MKNK1: variants seen among roughly 807,000 people sequenced by gnomAD.
The protein encoded by MKNK1 is MAPK interacting serine/threonine kinase 1.
Under a neutral mutation model 49.3 loss-of-function variants are expected in MKNK1, and 30 were observed. That is an observed-to-expected ratio of 0.61 (90% CI 0.46 to 0.83). The LOEUF (loss-of-function observed/expected upper bound fraction) is 0.83. Among genes scored for constraint, MKNK1 ranks in the 40% least tolerant of loss-of-function variants. MKNK1 has a pLI of 0.00. For missense variants in MKNK1, 423 were observed against 524.7 expected (o/e 0.81, Z 1.89); for synonymous variants, 176 against 201.7 (o/e 0.87, Z 1.08).
intron 6 of MKNK1, chr1:46,573,626 A>T (rs1241912741): frequency 1.3e-5 from 2 of 152,198 alleles, no homozygotes; most frequent in Non-Finnish European, 1.5e-5. Context: ...TGTGCTAGGG[A>T]ACATTCCCAG....
rs537028325 is a variant in MKNK1 at position 46,600,126 on chromosome 1, T to C, written c.-171+4059A>G. ...TCCACCTTCAGGAATCCTCTGGTCA[T>C]GCTGGGATTGATTTCTCCTTCTTCC... is the stretch of plus-strand genomic sequence containing the variant. On this transcript the variant is annotated intron_variant, in intron 1 of 12. Transcript: ENST00000371945. Among the ~76,000 whole-genome samples, 3 of 152,348 alleles carry C rather than the reference T, an allele frequency of 2.0e-5. No homozygotes were observed. The East Asian group carries it at 5.8e-4, about 29-fold the overall frequency.
At chr1:46,567,707 T>C (rs1337167969) in intron 8 of MKNK1, among the ~76,000 whole-genome samples, 1 of 152,240 alleles carries the variant, frequency 6.6e-6, no homozygotes, top group Non-Finnish European at 1.5e-5. Context: ...CACATGTATA[T>C]ACACGCAGAG....
chr1:46,601,169 G>A lies in MKNK1; in HGVS notation c.-171+3016C>T, dbSNP rs149059581. On this transcript the variant is annotated intron_variant, in intron 1 of 12. Coordinates refer to ENST00000371945, the MANE Select transcript of MKNK1 (RefSeq NM_001135553.4). ...TGACCTCAGGTGATCCACCTGCCTC[G>A]GCCTCCCAAAGTGCTGGGATTACAG... Among the ~76,000 whole-genome samples the A allele has an allele frequency of 2.2e-3, 332 of 152,192 alleles. 2 individuals carry two copies. The highest frequency in any genetic ancestry group is 7.3e-3 in the African/African-American group (301 of 41,512).
chr1:46,561,718 C>T lies in MKNK1; in HGVS notation c.805-76G>A, dbSNP rs757687719. 2.8e-5 allele frequency: 43 copies of T among 1,517,310 alleles called. 1 individual carries two copies. Among genetic ancestry groups the T allele is most frequent in the Middle Eastern group, 3.5e-4 (2 of 5,794 alleles). 94.0% of individuals were successfully genotyped at this position (1,517,310 alleles called of 1,614,324 possible). On this transcript the variant is annotated intron_variant, in intron 10 of 12. Transcript: ENST00000371945. Reference sequence around the variant, plus strand: ...TGTGCCTGTCATTGTTTTGATCAACCGGCTTCAATTGATCTCAGCTGTAGC... The same window carrying T: ...TGTGCCTGTCATTGTTTTGATCAACTGGCTTCAATTGATCTCAGCTGTAGC...
intron 12 of MKNK1, among the ~76,000 whole-genome samples, chr1:46,559,359 G>A (rs969552601): frequency 1.3e-5 from 2 of 152,226 alleles, no homozygotes; most frequent in African/African-American, 2.4e-5. Context: ...CACGAATTGC[G>A]ATTATGGAGG....
At chr1:46,599,724 C>A (rs939263013) in intron 1 of MKNK1, among the ~76,000 whole-genome samples, 1 of 152,202 alleles carries the variant, frequency 6.6e-6, no homozygotes, top group Non-Finnish European at 1.5e-5. Context: ...AGTTTTGAAC[C>A]AAGCTGTGCC....
chr1:46,561,739 G>C, intron 10 of MKNK1, 97 bp from the exon 11 acceptor site: 2 of 1,391,602 alleles, frequency 1.4e-6, no homozygotes, highest in South Asian at 2.6e-5. Context: ...GATCTCAGCT[G>C]TAGCTGCAGC....
chr1:46,581,326 T>C (rs137989476), intron 3 of MKNK1, among the ~76,000 whole-genome samples: 2,984 of 151,778 alleles, frequency 0.02, 37 homozygotes, highest in Non-Finnish European at 0.031. Context: ...TCCTGGCCAA[T>C]GTGGGAAACC....
intron 4 of MKNK1, among the ~76,000 whole-genome samples, chr1:46,578,428 GTTT>G (rs1671282004): frequency 6.6e-6 from 1 of 152,126 alleles, no homozygotes; most frequent in African/African-American, 2.4e-5. Context: ...AGAGTCCAGT[GTTT>G]GCCTCAAAGA....
chr1:46,576,795 C>T, intron 4 of MKNK1, 141 bp from the exon 5 acceptor site: 2 of 721,800 alleles, frequency 2.8e-6, no homozygotes, highest in Non-Finnish European at 4.8e-6. Flanking sequence ...CTTGGTGACA[C>T]CGGCACTGTG....
chr1:46,588,672 T>G (rs544374229), intron 2 of MKNK1, among the ~76,000 whole-genome samples: 1 of 151,944 alleles, frequency 6.6e-6, no homozygotes, highest in African/African-American at 2.4e-5. Context: ...CCGGGCGAGG[T>G]GGCGGGCGCC....
At chr1:46,566,194 TTC>T (rs1669033215) in intron 8 of MKNK1, among the ~76,000 whole-genome samples, 1 of 152,250 alleles carries the variant, frequency 6.6e-6, no homozygotes. Flanking sequence ...AATTAAGACT[TTC>T]TGTCTTTATT....
At chr1:46,561,082 T>TG (rs1557821272) in intron 11 of MKNK1, among the ~76,000 whole-genome samples, 1 of 152,238 alleles carries the variant, frequency 6.6e-6, no homozygotes, top group African/African-American at 2.4e-5. Context: ...GGAGAACCTA[T>TG]GTGCCCCAAC....
At chr1:46,559,739 G>C (rs1200242645) in intron 12 of MKNK1, 1 of 168,452 alleles carries the variant, frequency 5.9e-6, no homozygotes, top group East Asian at 1.6e-4. Context: ...CCGTCTGCTG[G>C]ATTCAAGCGA....
intron 4 of MKNK1, among the ~76,000 whole-genome samples, chr1:46,579,852 G>A (rs1671487380): frequency 6.6e-6 from 1 of 152,012 alleles, no homozygotes; most frequent in African/African-American, 2.4e-5. Context: ...CCCCAAAACT[G>A]AGTGCTCAGT....
chr1:46,560,137 G>C (rs1667676260), intron 12 of MKNK1, 97 bp downstream of exon 12: 1 of 1,400,814 alleles, frequency 7.1e-7, no homozygotes, highest in Admixed American at 1.8e-5. Flanking sequence ...TTTGGAGAAA[G>C]CTACCTGAGC....
At chr1:46,596,131 A>G (rs1376649536) in intron 1 of MKNK1, among the ~76,000 whole-genome samples, 1 of 152,146 alleles carries the variant, frequency 6.6e-6, no homozygotes, top group Non-Finnish European at 1.5e-5. Flanking sequence ...AGGAGTTGGC[A>G]ATTTTTTTTC....
rs770042891 is a variant in MKNK1 at position 46,558,650 on chromosome 1, C to T, written c.1164G>A (p.Lys388=). 6.2e-7 allele frequency: 1 copy of T among 1,614,164 alleles called. No individual in the cohort carries two copies. Among genetic ancestry groups the T allele is most frequent in the Non-Finnish European group, 8.5e-7 (1 of 1,180,012 alleles). ...LCSMKLSPPC[K]SRLARRRALA... is the part of the protein sequence containing the mutation. Reference sequence around the variant, plus strand: ...GGGCCCGTCTCCGGGCCAGGCGTGACTTGCAGGGAGGGGAAAGCTTCATGG... The same window carrying T: ...GGGCCCGTCTCCGGGCCAGGCGTGATTTGCAGGGAGGGGAAAGCTTCATGG... Residue 388 remains lysine, a synonymous_variant, in exon 13 of 13, where the codon AAG becomes AAA. Coordinates refer to ENST00000371945, the MANE Select transcript of MKNK1 (RefSeq NM_001135553.4).
At chr1:46,576,466 G>C in intron 5 of MKNK1, 109 bp downstream of exon 5, 1 of 885,610 alleles carries the variant, frequency 1.1e-6, no homozygotes, top group Admixed American at 1.8e-5. Flanking sequence ...TGCCTTGTGG[G>C]GACAGGAGTG....
Sources: gnomAD v4.1 joint callset for allele counts (sites outside exome capture counted in the v4.1 genomes callset) on GRCh38, gnomAD v4.1.1 for gene constraint, MANE v1.5 for transcripts, NCBI Gene and HGNC (gene_info 2026-07-23, HGNC 2026-07-21) for gene names.